CNTN1: variants seen among roughly 807,000 people sequenced by gnomAD.
CNTN1 encodes contactin-1.
CNTN1 carries 38 observed loss-of-function variants against 126.4 expected under a neutral mutation model. That is an observed-to-expected ratio of 0.30 (90% confidence interval 0.23 to 0.39). The LOEUF (loss-of-function observed/expected upper bound fraction) is 0.39, where lower values mean the gene tolerates loss of function less well. Among genes scored for constraint, CNTN1 ranks in the 10% least tolerant of loss-of-function variants. CNTN1 has a pLI of 1.00. For missense variants in CNTN1, 1,009 were observed against 1,248.4 expected (o/e 0.81, Z 2.89); for synonymous variants, 413 against 422.6 (o/e 0.98, Z 0.28).
At chr12:40,964,863 C>A (rs1307791995) in intron 15 of CNTN1, among the ~76,000 whole-genome samples, 1 of 151,922 alleles carries the variant, frequency 6.6e-6, no homozygotes, top group Non-Finnish European at 1.5e-5. Flanking sequence ...ATAATAGTTG[C>A]CTAAAGGTCT....
chr12:40,955,690 A>G lies in CNTN1; in HGVS notation c.1684-3424A>G, dbSNP rs113386153. ...TACTTTGTATGTAATAATAAATAAG[A>G]CCTGGTTCTTTCCTTAAGGAATTAC... On this transcript the variant is annotated intron_variant, in intron 14 of 23. Coordinates refer to ENST00000551295, the MANE Select transcript of CNTN1 (RefSeq NM_001843.4). 3.2e-3 allele frequency among the ~76,000 whole-genome samples: 482 copies of G among 152,228 alleles called. 3 individuals are homozygous for G. Among genetic ancestry groups the G allele is most frequent in the African/African-American group, 0.011 (451 of 41,562 alleles).
chr12:40,720,002 AAT>A (rs1491263723), intron 1 of CNTN1, among the ~76,000 whole-genome samples: 5 of 142,388 alleles, frequency 3.5e-5, no homozygotes, highest in African/African-American at 1.4e-4. Flanking sequence ...ACGCCCGGTT[AAT>A]TTTTTTTTTT....
chr12:40,820,220 A>T (rs767810391), intron 1 of CNTN1, among the ~76,000 whole-genome samples: 2 of 152,156 alleles, frequency 1.3e-5, no homozygotes, highest in Non-Finnish European at 2.9e-5. Flanking sequence ...TTTAACAACC[A>T]GCTCTTGTGG....
chr12:40,740,204 C>T (rs1433097974), intron 1 of CNTN1, among the ~76,000 whole-genome samples: 3 of 151,970 alleles, frequency 2.0e-5, no homozygotes, highest in African/African-American at 7.2e-5. Context: ...TGTAAATAAT[C>T]ATAGTTACAT....
At chr12:41,043,016 C>G (rs1403532560) in intron 23 of CNTN1, among the ~76,000 whole-genome samples, 1 of 152,154 alleles carries the variant, frequency 6.6e-6, no homozygotes, top group Non-Finnish European at 1.5e-5. Flanking sequence ...GGATTAAAGA[C>G]TTACATGTTA....
chr12:40,838,767 A>T (rs1195668857), intron 1 of CNTN1, among the ~76,000 whole-genome samples: 1 of 152,228 alleles, frequency 6.6e-6, no homozygotes, highest in African/African-American at 2.4e-5. Flanking sequence ...ATCCTTAGGA[A>T]AAGTTCTCCC....
chr12:40,877,045 A>T (rs1827324995), intron 1 of CNTN1, among the ~76,000 whole-genome samples: 1 of 152,172 alleles, frequency 6.6e-6, no homozygotes, highest in South Asian at 2.1e-4. Flanking sequence ...CTAAGAACTG[A>T]ATTTCGCCAA....
chr12:40,873,040 C>T (rs556150510), intron 1 of CNTN1, among the ~76,000 whole-genome samples: 1 of 152,136 alleles, frequency 6.6e-6, no homozygotes, highest in African/African-American at 2.4e-5. Flanking sequence ...AGGCTGACAC[C>T]AACCCCATGC....
chr12:40,934,881 A>G (rs1236680431), intron 9 of CNTN1, among the ~76,000 whole-genome samples: 1 of 152,072 alleles, frequency 6.6e-6, no homozygotes, highest in African/African-American at 2.4e-5. Context: ...TTGATCTAAC[A>G]GCAGTGGTTG....
At chr12:40,742,190 A>G (rs1937972500) in intron 1 of CNTN1, among the ~76,000 whole-genome samples, 1 of 152,086 alleles carries the variant, frequency 6.6e-6, no homozygotes, top group Admixed American at 6.6e-5. Context: ...ATGCTCTCCT[A>G]CTGTTCAATG....
At chr12:40,970,201 A>C (rs762308533) in intron 15 of CNTN1, among the ~76,000 whole-genome samples, 9 of 152,030 alleles carry the variant, frequency 5.9e-5, no homozygotes, top group Non-Finnish European at 1.3e-4. Flanking sequence ...TCTCTGGAGG[A>C]GTTTAGGAAG....
Position 40,758,552 on chromosome 12 carries a change from G to A in CNTN1, c.-77+65960G>A, listed in dbSNP as rs570478911. Among the ~76,000 whole-genome samples the A allele has an allele frequency of 3.3e-5, 5 of 152,026 alleles. 1 individual carries two copies. The South Asian group carries it at 1.0e-3, about 32-fold the overall frequency. ...GAAACATTTATGGACACTCCACATTGTAATATTTTGCATCCCAGCAAACTG... is the reference window on the plus strand; with the variant it reads ...GAAACATTTATGGACACTCCACATTATAATATTTTGCATCCCAGCAAACTG... On this transcript the variant is annotated intron_variant, in intron 1 of 23. Coordinates refer to ENST00000551295, the MANE Select transcript of CNTN1 (RefSeq NM_001843.4).
chr12:40,780,817 G>T lies in CNTN1; in HGVS notation c.-77+88225G>T, dbSNP rs527238034. ...CTCTTTTTTTTTTTCAGAGGTTCAG[G>T]GTTTGTTGAGTAGGAAGGTATGATG... On this transcript the variant is annotated intron_variant, in intron 1 of 23. Transcript: ENST00000551295. Among the ~76,000 whole-genome samples the T allele has an allele frequency of 6.6e-5, 10 of 151,282 alleles. No individual in the cohort carries two copies. The East Asian group carries it at 1.9e-3, about 29-fold the overall frequency.
rs181798143 is a variant in CNTN1, at chr12:40,914,992, T to A, written c.95-3647T>A. ...GTATGTGACATTCTATAATTTTCAA[T>A]GAAAATTTTCCTTGCTAGCACCTTT... On this transcript the variant is annotated intron_variant, in intron 3 of 23. Coordinates refer to ENST00000551295, the MANE Select transcript of CNTN1 (RefSeq NM_001843.4). 7.1e-3 allele frequency among the ~76,000 whole-genome samples: 1,078 copies of A among 152,240 alleles called. 3 individuals are homozygous for A. The highest frequency in any genetic ancestry group is 0.011 in the Non-Finnish European group (723 of 67,982).
chr12:40,908,230 GT>G (rs1310507573), intron 1 of CNTN1, 126 bp from the exon 2 acceptor site: 18 of 567,166 alleles, frequency 3.2e-5, no homozygotes, highest in African/African-American at 3.0e-4. Context: ...GGTTAATAAT[GT>G]TTTCCTCAAA....
chr12:40,964,525 A>AGT (rs369450437), intron 15 of CNTN1, among the ~76,000 whole-genome samples: 10,542 of 104,684 alleles, frequency 0.1, 395 homozygotes, highest in African/African-American at 0.13. Flanking sequence ...CGTGTAAGTG[A>AGT]GTGTGTGTGT....
chr12:40,877,027 G>A (rs1474499671), intron 1 of CNTN1, among the ~76,000 whole-genome samples: 1 of 152,050 alleles, frequency 6.6e-6, no homozygotes, highest in East Asian at 1.9e-4. Flanking sequence ...ACTTGGTTTT[G>A]AGCTGCTCTA....
chr12:40,842,000 T>TAAAAAG (rs368159227), intron 1 of CNTN1, among the ~76,000 whole-genome samples: 1 of 151,556 alleles, frequency 6.6e-6, no homozygotes, highest in African/African-American at 2.4e-5. Context: ...AAATTTTTTT[T>TAAAAAG]AAAAAAAGAA....
intron 1 of CNTN1, among the ~76,000 whole-genome samples, chr12:40,881,464 T>A (rs1943867734): frequency 6.6e-6 from 1 of 151,850 alleles, no homozygotes; most frequent in African/African-American, 2.4e-5. Context: ...TGGCCAGAGG[T>A]TCCTAAACTT....
Sources: gnomAD v4.1 joint callset for allele counts (sites outside exome capture counted in the v4.1 genomes callset) on GRCh38, gnomAD v4.1.1 for gene constraint, MANE v1.5 for transcripts, NCBI Gene and HGNC (gene_info 2026-07-23, HGNC 2026-07-21) for gene names.